Variants in PPIL6 observed in about 807,000 individuals in gnomAD.
The protein encoded by PPIL6 is probable inactive peptidyl-prolyl cis-trans isomerase-like 6.
A neutral mutation model predicts 36.8 loss-of-function variants in PPIL6; 39 were observed. The observed-to-expected ratio is 1.06, with a 90% CI of 0.82 to 1.38. The LOEUF is 1.38. Among genes scored for constraint, PPIL6 ranks in the 40% most tolerant of loss-of-function variants. PPIL6 has a pLI of 0.00. For missense variants in PPIL6, 368 were observed against 379.1 expected, an observed-to-expected ratio of 0.97 and a Z score of 0.24; for synonymous variants, 123 against 134.1, an observed-to-expected ratio of 0.92 and a Z score of 0.57.
At chr6:109,419,362 CT>C in intron 5 of PPIL6, 119 bp from the exon 6 acceptor site, 1 of 655,686 alleles carries the variant, frequency 1.5e-6, no homozygotes, top group South Asian at 1.9e-5. Context: ...GGGATGATCA[CT>C]GGAGCCCAGG....
upstream of PPIL6, chr6:109,440,836 C>T (rs1323235817): frequency 9.6e-6 from 4 of 415,102 alleles, no homozygotes; most frequent in South Asian, 5.1e-5. Context: ...GCTCTCCGGA[C>T]CCCCAGGGTC....
At chr6:109,394,045 C>T (rs1217231788) in intron 7 of PPIL6, among the ~76,000 whole-genome samples, 6 of 152,168 alleles carry the variant, frequency 3.9e-5, no homozygotes, top group Non-Finnish European at 5.9e-5. Flanking sequence ...TGACAACATC[C>T]ACTGAGTGAT....
chr6:109,440,294 G>A, intron 1 of PPIL6, 162 bp downstream of exon 1: 1 of 889,548 alleles, frequency 1.1e-6, no homozygotes, highest in Non-Finnish European at 1.8e-6. Context: ...TCTCCTCCCG[G>A]TCCTCCAGAC....
intron 1 of PPIL6, among the ~76,000 whole-genome samples, chr6:109,437,871 G>T (rs756310576): frequency 2.0e-5 from 3 of 152,020 alleles, no homozygotes; most frequent in Non-Finnish European, 4.4e-5. Flanking sequence ...CACCTGGCCC[G>T]GTTGACTGCT....
At position 109,392,726 on chromosome 6, in the gene PPIL6, G is replaced by T; in HGVS notation, c.*100C>A. On this transcript the variant is annotated 3_prime_UTR_variant, in exon 8 of 8. Coordinates refer to ENST00000521072, the MANE Select transcript of PPIL6 (RefSeq NM_173672.5). ...GAGGCAACCTACAGTGTCTGCCACG[G>T]CTTTCAAATTACAATTTATCAAGTA... 1 of 728,260 alleles carries T rather than the reference G, an allele frequency of 1.4e-6. No homozygotes were observed. The highest frequency in any genetic ancestry group is 2.3e-6 in the Non-Finnish European group (1 of 441,268). The allele number at this position is 728,260 out of a possible 1,614,324, so 45.1% of individuals were successfully genotyped here. A position where few individuals can be genotyped will look rare whatever the true frequency, so the allele number is the denominator to read the frequency against.
intron 4 of PPIL6, 23 bp downstream of exon 4, chr6:109,427,071 T>G (rs1773858695): frequency 1.2e-6 from 2 of 1,601,182 alleles, no homozygotes; most frequent in Non-Finnish European, 1.7e-6. Flanking sequence ...CCCCACAAAC[T>G]TACATATAAA....
chr6:109,404,450 G>A (rs910367349), intron 6 of PPIL6, among the ~76,000 whole-genome samples: 1 of 152,202 alleles, frequency 6.6e-6, no homozygotes, highest in African/African-American at 2.4e-5. Flanking sequence ...CAACTCTCCA[G>A]GCAGCTATTC....
intron 5 of PPIL6, among the ~76,000 whole-genome samples, chr6:109,426,592 C>T (rs1267976062): frequency 3.9e-5 from 6 of 152,140 alleles, no homozygotes; most frequent in Non-Finnish European, 7.4e-5. Context: ...AATAAAATGT[C>T]ACCCTACTCT....
chr6:109,437,855 C>T (rs557851127), intron 1 of PPIL6, among the ~76,000 whole-genome samples: 1 of 152,264 alleles, frequency 6.6e-6, no homozygotes, highest in African/African-American at 2.4e-5. Flanking sequence ...CAGGCGTGAG[C>T]CACCGCACCT....
chr6:109,440,175 G>A (rs779876548), intron 1 of PPIL6: 3 of 523,396 alleles, frequency 5.7e-6, no homozygotes, highest in South Asian at 4.7e-5. Flanking sequence ...TCTCGGAGGG[G>A]ATTACCTTAT....
chr6:109,407,746 AAAAT>A (rs1772861542), intron 6 of PPIL6, among the ~76,000 whole-genome samples: 1 of 152,222 alleles, frequency 6.6e-6, no homozygotes, highest in Non-Finnish European at 1.5e-5. Flanking sequence ...GAATAGTTAA[AAAAT>A]AAAACTTGTA....
chr6:109,419,323 G>A, intron 5 of PPIL6, 80 bp from the exon 6 acceptor site: 1 of 959,374 alleles, frequency 1.0e-6, no homozygotes, highest in Non-Finnish European at 1.7e-6. Context: ...AAAAAATTTT[G>A]CTTTCAATGA....
At chr6:109,393,224 T>G (rs1443787263) in intron 7 of PPIL6, among the ~76,000 whole-genome samples, 1 of 151,248 alleles carries the variant, frequency 6.6e-6, no homozygotes, top group Admixed American at 6.6e-5. Flanking sequence ...CAGGGTGATT[T>G]TTTTTTTTTT....
intron 6 of PPIL6, among the ~76,000 whole-genome samples, chr6:109,416,500 G>T (rs9480951): frequency 6.7e-6 from 1 of 148,176 alleles, no homozygotes. Flanking sequence ...ACTGCGCCTG[G>T]CCTTTTTGTG....
intron 5 of PPIL6, among the ~76,000 whole-genome samples, chr6:109,423,626 T>A (rs923207362): frequency 1.1e-4 from 16 of 151,210 alleles, no homozygotes; most frequent in Non-Finnish European, 1.9e-4. Flanking sequence ...CTCACCCATT[T>A]TATATATATA....
intron 6 of PPIL6, among the ~76,000 whole-genome samples, chr6:109,407,280 C>T (rs1388382517): frequency 1.3e-5 from 2 of 151,292 alleles, no homozygotes; most frequent in East Asian, 3.9e-4. Flanking sequence ...CGCTCTTTCG[C>T]CCAGGCCGGA....
intron 1 of PPIL6, among the ~76,000 whole-genome samples, chr6:109,437,811 C>T (rs1197656836): frequency 6.6e-6 from 1 of 152,152 alleles, no homozygotes; most frequent in East Asian, 1.9e-4. Context: ...CTTAGGCGAT[C>T]TGCCTGCCTC....
At chr6:109,431,414 GC>G in intron 2 of PPIL6, 69 bp from the exon 3 acceptor site, 1 of 1,183,214 alleles carries the variant, frequency 8.5e-7, no homozygotes, top group Non-Finnish European at 1.2e-6. Flanking sequence ...AAACCCATAA[GC>G]CAGAGCTTAG....
chr6:109,401,125 C>A (rs751754643), intron 6 of PPIL6, among the ~76,000 whole-genome samples: 8 of 151,238 alleles, frequency 5.3e-5, no homozygotes, highest in Non-Finnish European at 8.8e-5. Flanking sequence ...ATCCGCCTGC[C>A]TCGGCCTCCC....
Sources: allele counts gnomAD v4.1 joint callset (sites outside exome capture counted in the v4.1 genomes callset), GRCh38; gene constraint gnomAD v4.1.1; transcripts MANE v1.5; gene names NCBI Gene and HGNC (gene_info 2026-07-23, HGNC 2026-07-21).